Variants in GZF1 observed in about 807,000 individuals in gnomAD.
GZF1 encodes GDNF inducible zinc finger protein 1.
A neutral mutation model predicts 49.4 loss-of-function variants in GZF1; 28 were observed. That is an observed-to-expected ratio of 0.57 (90% CI 0.42 to 0.78). The LOEUF (loss-of-function observed/expected upper bound fraction) is 0.78. GZF1 is among the 30% of genes least tolerant of loss of function. The pLI, the probability that GZF1 is intolerant of heterozygous loss-of-function variation, is 0.00. For missense variants in GZF1, 798 were observed against 916.2 expected (o/e 0.87, Z 1.67); for synonymous variants, 364 against 356.0 (o/e 1.02, Z -0.25).
chr20:23,370,367 A>AGT lies in GZF1; in HGVS notation c.2064_2065dup (p.Glu689ValfsTer6), dbSNP rs1568591553. 2 of 1,614,140 alleles carry AGT rather than the reference A, an allele frequency of 1.2e-6. No individual in the cohort carries two copies. Among genetic ancestry groups the AGT allele is most frequent in the Non-Finnish European group, 1.7e-6 (2 of 1,179,986 alleles). On this transcript the variant is annotated frameshift_variant, in exon 6 of 6. Coordinates refer to ENST00000338121, the MANE Select transcript of GZF1 (RefSeq NM_022482.5). LOFTEE classifies it high-confidence loss of function. The stretch of plus-strand genomic sequence containing the variant: ...GGACACCCTCCTGGCCACCACCATC[A>AGT]GTGAGCTTAGCGAGCTGACCCCACA...
In GZF1 at chr20:23,372,674, C is replaced by T. The variant is rs1982192425; in HGVS notation, c.*2233C>T. ...TCTGCCCCATTCCTCCAAGTCCAAG[C>T]ACAGCCATGCTGAGTGGAAGCGAGG... On this transcript the variant is annotated 3_prime_UTR_variant, in exon 6 of 6. Transcript: ENST00000338121. The T allele has an allele frequency of 6.6e-6, 1 of 152,292 alleles. No individual in the cohort carries two copies. Among genetic ancestry groups the T allele is most frequent in the Non-Finnish European group, 1.5e-5 (1 of 68,110 alleles). 9.4% of individuals were successfully genotyped at this position (152,292 alleles called of 1,614,324 possible).
chr20:23,366,303 C>G (rs937198101), intron 2 of GZF1, among the ~76,000 whole-genome samples: 1 of 152,148 alleles, frequency 6.6e-6, no homozygotes, highest in Non-Finnish European at 1.5e-5. Flanking sequence ...TCTTATAGTT[C>G]TTAGTATATT....
At chr20:23,368,363 T>C (rs1054593059) in intron 3 of GZF1, among the ~76,000 whole-genome samples, 4 of 152,224 alleles carry the variant, frequency 2.6e-5, no homozygotes, top group Admixed American at 1.3e-4. Context: ...AATAGTGATA[T>C]ATATCCATTG....
At chr20:23,361,675 T>A (rs1980674403), upstream of GZF1, among the ~76,000 whole-genome samples, 1 of 152,150 alleles carries the variant, frequency 6.6e-6, no homozygotes, top group Admixed American at 6.5e-5. Context: ...GAGTACCAGC[T>A]CCAAGCCCGG....
intron 4 of GZF1, 147 bp downstream of exon 4, chr20:23,369,076 G>C (rs1981749020): frequency 1.5e-6 from 1 of 655,312 alleles, no homozygotes; most frequent in Non-Finnish European, 2.5e-6. Flanking sequence ...TTTCTTTAGA[G>C]ATTGTTTCTA....
intron 1 of GZF1, 53 bp from the exon 2 acceptor site, chr20:23,364,310 A>T: frequency 2.0e-6 from 2 of 1,005,844 alleles, no homozygotes; most frequent in Non-Finnish European, 2.9e-6. Context: ...CATAAATTTT[A>T]GTCCTTTTGC....
rs901277936 is a variant in GZF1 at position 23,370,584 on chromosome 20, T to C, written c.*143T>C. On this transcript the variant is annotated 3_prime_UTR_variant, in exon 6 of 6. Transcript: ENST00000338121. ...CAGATTTTCCTGAACTTCTGCTAAC[T>C]TGCACGGCTTTATCACAGCATTTTT... is the stretch of plus-strand genomic sequence containing the variant. The C allele has an allele frequency of 2.8e-5, 18 of 636,060 alleles. No homozygotes were observed. The highest frequency in any genetic ancestry group is 4.7e-5 in the Non-Finnish European group (17 of 361,612). The allele number at this position is 636,060 out of a possible 1,614,324, so 39.4% of individuals were successfully genotyped here.
intron 1 of GZF1, 160 bp downstream of exon 1, chr20:23,362,397 C>T (rs902437902): frequency 1.3e-5 from 2 of 152,500 alleles, no homozygotes; most frequent in East Asian, 1.9e-4. Flanking sequence ...CCCGGATGCC[C>T]GCGTCGGGAG....
At position 23,365,143 on chromosome 20, in the gene GZF1, G is replaced by C. The variant is rs772614434; in HGVS notation, c.760G>C (p.Asp254His). ...AGAGCAGCAGAAAACTGCTGAGGGT[G>C]ATGTGGGGGACTACAGGTGTCCCCA... ...LREQQKTAEG[D>H]VGDYRCPQDQ... is the part of the protein sequence containing the mutation. The change falls in exon 2 of 6, where the codon GAT (aspartate) becomes CAT (histidine). Residue 254 changes from aspartate (D) to histidine (H), a missense_variant. Physicochemically the swap from Asp to His is moderately conservative, Grantham distance 81. This residue lies in a region of GZF1 where 247 missense variants were observed against 228.5 expected (regional missense o/e 1.08). Transcript: ENST00000338121. 6.2e-7 allele frequency: 1 copy of C among 1,614,028 alleles called. No individual in the cohort carries two copies. The highest frequency in any genetic ancestry group is 1.7e-5 in the Admixed American group (1 of 60,012).
At chr20:23,362,805 C>T (rs1226458175) in intron 1 of GZF1, 1 of 152,322 alleles carries the variant, frequency 6.6e-6, no homozygotes, top group African/African-American at 2.4e-5. Context: ...AGCCAAGCAA[C>T]ATAGGAAATC....
chr20:23,367,971 ACAC>A (rs367736204), intron 3 of GZF1, among the ~76,000 whole-genome samples: 182 of 152,370 alleles, frequency 1.2e-3, no homozygotes, highest in African/African-American at 3.1e-3. Flanking sequence ...GACTCATTAG[ACAC>A]CACATCTGTG....
At chr20:23,369,854 T>G in intron 5 of GZF1, 113 bp downstream of exon 5, 1 of 1,197,936 alleles carries the variant, frequency 8.3e-7, no homozygotes, top group Non-Finnish European at 1.2e-6. Flanking sequence ...AACAGGTACT[T>G]TCTCCTTGGG....
chr20:23,365,486 G>C lies in GZF1; in HGVS notation c.1103G>C (p.Arg368Pro), dbSNP rs1394368889. 1.2e-6 allele frequency: 2 copies of C among 1,613,794 alleles called. No homozygotes were observed. The highest frequency in any genetic ancestry group is 3.3e-5 in the Admixed American group (2 of 60,020). ...ANRCNLKSHQRHVHSSERHFP... is the reference protein window; with the variant it reads ...ANRCNLKSHQPHVHSSERHFP... ...CGCTGCAACCTGAAGAGCCACCAGC[G>C]CCACGTGCACAGCAGCGAGCGCCAT... The change falls in exon 2 of 6, where the codon CGC becomes CCC. Residue 368 changes from arginine (R) to proline (P), a missense_variant. Arg to Pro is a moderately radical substitution (Grantham distance 103, BLOSUM62 -2). Coordinates refer to ENST00000338121, the MANE Select transcript of GZF1 (RefSeq NM_022482.5).
In GZF1 at chr20:23,365,560, A is replaced by ACGC; in HGVS notation, c.1177_1178insCGC (p.Lys393delinsThrGln). On this transcript the variant is annotated protein_altering_variant, in exon 2 of 6. Transcript: ENST00000338121. ...GAAGTTCAAGCGCAAGAAGGACGTG[A>ACGC]AGCGGCACGTGCTGCAGGTGCATGA... is the stretch of plus-strand genomic sequence containing the variant. 1 of 1,612,528 alleles carries ACGC rather than the reference A, an allele frequency of 6.2e-7. No individual in the cohort carries two copies. The highest frequency in any genetic ancestry group is 8.5e-7 in the Non-Finnish European group (1 of 1,179,666).
chr20:23,366,914 A>G, intron 2 of GZF1, 89 bp from the exon 3 acceptor site: 1 of 880,908 alleles, frequency 1.1e-6, no homozygotes, highest in South Asian at 1.4e-5. Context: ...TCTTGGAGTA[A>G]ACGATTTTTG....
Position 23,365,687 on chromosome 20 carries a change from A to T in GZF1, c.1304A>T (p.Tyr435Phe), listed in dbSNP as rs200357258. 6.3e-7 allele frequency: 1 copy of T among 1,585,496 alleles called. No homozygotes were observed. The highest frequency in any genetic ancestry group is 2.2e-5 in the East Asian group (1 of 44,586). The change falls in exon 2 of 6, where the codon TAC becomes TTC. Residue 435 changes from tyrosine to phenylalanine, a missense_variant. Around this residue, in one of 3 missense-constraint regions of GZF1, gnomAD observed 446 missense variants for 540.1 expected, o/e 0.83. Transcript: ENST00000338121. ...HERTHTGDRP[Y>F]GCTECGARFS... ...CGCACACACACGGGAGACCGGCCCT[A>T]CGGCTGCACCGAGTGCGGCGCCAGG...
chr20:23,369,889 G>A (rs1250869237), intron 5 of GZF1, 148 bp downstream of exon 5: 15 of 987,526 alleles, frequency 1.5e-5, no homozygotes, highest in African/African-American at 4.9e-5. Context: ...GAACGCTCAC[G>A]GAATGAATGA....
At position 23,370,633 on chromosome 20, in the gene GZF1, A is replaced by T. The variant is rs1981988839; in HGVS notation, c.*192A>T. 1 of 582,940 alleles carries T rather than the reference A, an allele frequency of 1.7e-6. No individual in the cohort carries two copies. 36.1% of individuals were successfully genotyped at this position (582,940 alleles called of 1,614,324 possible). ...TTAAAGCTTTCCCTCAAAAATCCTG[A>T]TCTGCATGATCTCAGCTACTTTATT... On this transcript the variant is annotated 3_prime_UTR_variant, in exon 6 of 6. Coordinates refer to ENST00000338121, the MANE Select transcript of GZF1 (RefSeq NM_022482.5).
chr20:23,365,729 C>T lies in GZF1; in HGVS notation c.1346C>T (p.Ala449Val), dbSNP rs891711571. The T allele has an allele frequency of 4.5e-6, 7 of 1,543,990 alleles. No individual in the cohort carries two copies. Among genetic ancestry groups the T allele is most frequent in the Non-Finnish European group, 6.1e-6 (7 of 1,150,188 alleles). ...ECGARFSQPS[A>V]LKTHMRIHTG... Reference sequence around the variant, plus strand: ...GGCGCCAGGTTCTCGCAGCCGTCCGCGCTCAAGACGCACATGAGGTACGCG... The same window carrying T: ...GGCGCCAGGTTCTCGCAGCCGTCCGTGCTCAAGACGCACATGAGGTACGCG... The change falls in exon 2 of 6, where the codon GCG (alanine) becomes GTG (valine). Residue 449 changes from alanine (A) to valine (V), a missense_variant. Around this residue, in one of 3 missense-constraint regions of GZF1, gnomAD observed 446 missense variants for 540.1 expected, o/e 0.83. Coordinates refer to ENST00000338121, the MANE Select transcript of GZF1 (RefSeq NM_022482.5).
Sources: allele counts gnomAD v4.1 joint callset (sites outside exome capture counted in the v4.1 genomes callset), GRCh38; gene constraint gnomAD v4.1.1; regional missense constraint gnomAD v4.1.1; transcripts MANE v1.5; gene names NCBI Gene and HGNC (gene_info 2026-07-23, HGNC 2026-07-21).